Variants in SVOPL observed in about 807,000 individuals in gnomAD.
SVOPL encodes SVOP like.
In SVOPL, 60 loss-of-function variants were observed where a neutral mutation model predicts 61.0. The ratio of observed to expected loss-of-function variants is 0.98; its 90% confidence interval spans 0.80 to 1.22. The LOEUF is 1.22. Among genes scored for constraint, SVOPL ranks in the 50% most tolerant of loss-of-function variants. The pLI, the probability that SVOPL is intolerant of heterozygous loss-of-function variation, is 0.00. For synonymous variants in SVOPL, 279 were observed against 250.0 expected (o/e 1.12, Z -1.09); for missense variants, 662 against 643.9 (o/e 1.03, Z -0.30).
intron 1 of SVOPL, among the ~76,000 whole-genome samples, chr7:138,686,065 C>CA (rs939126323): frequency 6.6e-6 from 1 of 151,804 alleles, no homozygotes; most frequent in Non-Finnish European, 1.5e-5. Flanking sequence ...AAAACAGAAA[C>CA]AAAAAAATCT....
At chr7:138,631,992 A>C (rs537533184) in intron 9 of SVOPL, among the ~76,000 whole-genome samples, 2 of 150,616 alleles carry the variant, frequency 1.3e-5, no homozygotes, top group East Asian at 3.9e-4. Flanking sequence ...ACATACACAC[A>C]CCCCTACACC....
intron 3 of SVOPL, 126 bp from the exon 4 acceptor site, chr7:138,672,243 T>C (rs1802441086): frequency 3.8e-6 from 3 of 791,692 alleles, no homozygotes; most frequent in Middle Eastern, 2.3e-4. Context: ...GGAGGATCTA[T>C]TGTATACCCA....
chr7:138,630,487 A>C (rs1043159371), intron 9 of SVOPL, among the ~76,000 whole-genome samples: 1 of 152,218 alleles, frequency 6.6e-6, no homozygotes, highest in African/African-American at 2.4e-5. Context: ...ATTAACATTA[A>C]AACAAAAACT....
At chr7:138,602,565 C>T (rs979070669) in intron 14 of SVOPL, among the ~76,000 whole-genome samples, 5 of 151,648 alleles carry the variant, frequency 3.3e-5, no homozygotes, top group African/African-American at 4.8e-5. Flanking sequence ...TGACTCCATC[C>T]GACATTTGCT....
At chr7:138,619,895 C>T (rs1799474049) in intron 14 of SVOPL, among the ~76,000 whole-genome samples, 1 of 152,032 alleles carries the variant, frequency 6.6e-6, no homozygotes, top group Non-Finnish European at 1.5e-5. Flanking sequence ...GTGGAGCTGC[C>T]ACATGCACAG....
At chr7:138,629,126 T>TGGGG (rs1800038032) in intron 10 of SVOPL, among the ~76,000 whole-genome samples, 1 of 83,848 alleles carries the variant, frequency 1.2e-5, no homozygotes, top group African/African-American at 6.5e-5. Context: ...ATGTTTTATA[T>TGGGG]ATGTGTGTGT....
At chr7:138,626,112 C>T in intron 12 of SVOPL, 62 bp from the exon 13 acceptor site, 2 of 1,531,312 alleles carry the variant, frequency 1.3e-6, no homozygotes, top group Admixed American at 3.5e-5. Flanking sequence ...CTCCAGTGGC[C>T]CAGCTTCGAG....
rs201267104 is a variant in SVOPL at position 138,628,314 on chromosome 7, G to T, written c.913C>A (p.Leu305Met). Reference sequence around the variant, plus strand: ...CCACAGACCAAGTCCCGCTCCAGCAGCTCAGCACTGGCCAGGATAACCCCA... The same window carrying T: ...CCACAGACCAAGTCCCGCTCCAGCATCTCAGCACTGGCCAGGATAACCCCA... Reference protein sequence around the residue: ...YYGVILASAELLERDLVCGSK... With the variant: ...YYGVILASAEMLERDLVCGSK... Residue 305 changes from leucine to methionine, a missense_variant, in exon 11 of 16, where the codon CTG (leucine) becomes ATG (methionine). Leu to Met is a conservative substitution (Grantham distance 15). Coordinates refer to ENST00000674285, the MANE Select transcript of SVOPL (RefSeq NM_001139456.2). The T allele has an allele frequency of 1.8e-4, 297 of 1,614,046 alleles. 1 individual carries two copies. Among genetic ancestry groups the T allele is most frequent in the Non-Finnish European group, 2.4e-4 (281 of 1,180,046 alleles).
intron 1 of SVOPL, among the ~76,000 whole-genome samples, chr7:138,700,943 T>G (rs1046779583): frequency 1.3e-5 from 2 of 152,178 alleles, no homozygotes; most frequent in Non-Finnish European, 2.9e-5. Context: ...GACATTTTAT[T>G]CTATTGTATT....
Position 138,644,186 on chromosome 7 carries a change from C to G in SVOPL, c.789+531G>C, listed in dbSNP as rs554589076. Among the ~76,000 whole-genome samples, 77 of 101,156 alleles carry G rather than the reference C, an allele frequency of 7.6e-4. 2 individuals are homozygous for G. In the South Asian group the frequency reaches 0.023, roughly 30 times the overall value. The allele number at this position is 101,156 out of a possible 152,430, so 66.4% of individuals were successfully genotyped here. A position where few individuals can be genotyped will look rare whatever the true frequency, so the allele number is the denominator to read the frequency against. ...ACTGCACTCCAGCCTGGTGACAGAG[C>G]AAGACTCCATCAAAAAAAAAAAAAA... is the stretch of plus-strand genomic sequence containing the variant. On this transcript the variant is annotated intron_variant, in intron 9 of 15. Coordinates refer to ENST00000674285, the MANE Select transcript of SVOPL (RefSeq NM_001139456.2).
At chr7:138,693,394 T>G (rs1167962806) in intron 1 of SVOPL, among the ~76,000 whole-genome samples, 10 of 151,138 alleles carry the variant, frequency 6.6e-5, no homozygotes, top group Non-Finnish European at 1.3e-4. Context: ...TCCCAGCTAC[T>G]TAGAGGGCTG....
At chr7:138,654,479 A>G (rs974447623) in intron 7 of SVOPL, among the ~76,000 whole-genome samples, 1 of 150,742 alleles carries the variant, frequency 6.6e-6, no homozygotes, top group Non-Finnish European at 1.5e-5. Context: ...ATGTCTGTTT[A>G]CAGCATGGTT....
At chr7:138,682,523 A>G (rs1802721466) in intron 1 of SVOPL, among the ~76,000 whole-genome samples, 1 of 152,218 alleles carries the variant, frequency 6.6e-6, no homozygotes, top group East Asian at 1.9e-4. Context: ...GCTGTATAAG[A>G]AAAATGACCC....
intron 8 of SVOPL, among the ~76,000 whole-genome samples, chr7:138,648,783 A>T (rs1801268038): frequency 6.6e-6 from 1 of 150,998 alleles, no homozygotes; most frequent in South Asian, 2.1e-4. Context: ...TTAGCTGGGT[A>T]TGGTGGCACA....
intron 14 of SVOPL, among the ~76,000 whole-genome samples, chr7:138,604,288 C>T (rs1431138205): frequency 2.0e-5 from 3 of 152,092 alleles, no homozygotes; most frequent in Non-Finnish European, 2.9e-5. Flanking sequence ...TGATGATATT[C>T]AGTTACATAC....
In SVOPL at chr7:138,662,728, C is replaced by T; in HGVS notation, c.345+346G>A. The T allele has an allele frequency of 6.5e-6, 7 of 1,073,322 alleles. No individual in the cohort carries two copies. The Middle Eastern group carries it at 1.3e-3, about 202-fold the overall frequency. The allele number at this position is 1,073,322 out of a possible 1,614,324, so 66.5% of individuals were successfully genotyped here. Reference sequence around the variant, plus strand: ...AACTGGACGTGGTGGGGGCATCTAACCAACCCATGACTGCTTCTAAGTCCC... The same window carrying T: ...AACTGGACGTGGTGGGGGCATCTAATCAACCCATGACTGCTTCTAAGTCCC... On this transcript the variant is annotated intron_variant, in intron 5 of 15. Coordinates refer to ENST00000674285, the MANE Select transcript of SVOPL (RefSeq NM_001139456.2).
At chr7:138,682,360 T>C (rs28644472) in intron 1 of SVOPL, among the ~76,000 whole-genome samples, 2,220 of 152,266 alleles carry the variant, frequency 0.015, 54 homozygotes, top group African/African-American at 0.05. Flanking sequence ...CAGGAAGACG[T>C]ATACAACATC....
At chr7:138,693,330 G>T (rs1412807835) in intron 1 of SVOPL, among the ~76,000 whole-genome samples, 1 of 151,712 alleles carries the variant, frequency 6.6e-6, no homozygotes, top group African/African-American at 2.4e-5. Context: ...CTTGGGCTGG[G>T]TATAGAGAGA....
chr7:138,623,176 A>G (rs1563097533), intron 13 of SVOPL, among the ~76,000 whole-genome samples: 1 of 152,230 alleles, frequency 6.6e-6, no homozygotes, highest in Non-Finnish European at 1.5e-5. Context: ...ACTGAAAATA[A>G]TGAATTCAGA....
Sources: allele counts gnomAD v4.1 joint callset (sites outside exome capture counted in the v4.1 genomes callset), GRCh38; gene constraint gnomAD v4.1.1; transcripts MANE v1.5; gene names NCBI Gene and HGNC (gene_info 2026-07-23, HGNC 2026-07-21).